SDC2: variants seen among roughly 807,000 people sequenced by gnomAD.
The protein encoded by SDC2 is syndecan 2.
SDC2 carries 13 observed loss-of-function variants against 22.2 expected under a neutral mutation model. The observed-to-expected ratio is 0.59, with a 90% CI of 0.38 to 0.93. The LOEUF (loss-of-function observed/expected upper bound fraction) is 0.93. Ranked by LOEUF, SDC2 falls within the 40% of genes least tolerant of loss-of-function variation. The pLI is 0.00. For synonymous variants in SDC2, 94 were observed against 92.8 expected, an observed-to-expected ratio of 1.01 and a Z score of -0.07; for missense variants, 235 against 246.8, an observed-to-expected ratio of 0.95 and a Z score of 0.32.
intron 1 of SDC2, among the ~76,000 whole-genome samples, chr8:96,551,951 AT>A (rs1232126148): frequency 6.6e-6 from 1 of 152,128 alleles, no homozygotes; most frequent in Non-Finnish European, 1.5e-5. Flanking sequence ...CAGGGTATGT[AT>A]CCCCATGAGT....
At chr8:96,539,931 AACC>A (rs1161379827) in intron 1 of SDC2, among the ~76,000 whole-genome samples, 1 of 152,140 alleles carries the variant, frequency 6.6e-6, no homozygotes, top group East Asian at 1.9e-4. Flanking sequence ...CACAGAAGGG[AACC>A]TGCTTGGAGG....
rs1267817889 is a variant in SDC2, at chr8:96,611,639, T to A, written c.*2091T>A. 1 of 152,582 alleles carries A rather than the reference T, an allele frequency of 6.6e-6. No individual in the cohort carries two copies. Among genetic ancestry groups the A allele is most frequent in the Non-Finnish European group, 1.5e-5 (1 of 68,038 alleles). 9.5% of individuals were successfully genotyped at this position (152,582 alleles called of 1,614,324 possible). On this transcript the variant is annotated 3_prime_UTR_variant, in exon 5 of 5. Transcript: ENST00000302190. ...CTAACTGTGCAAAGCAGAGTGAAAT[T>A]CAATTCATAGAATAACAACTGCTGG...
At chr8:96,508,492 C>G (rs1199288283) in intron 1 of SDC2, among the ~76,000 whole-genome samples, 1 of 137,268 alleles carries the variant, frequency 7.3e-6, no homozygotes, top group African/African-American at 2.6e-5. Flanking sequence ...GACTCCATCT[C>G]AAAAAAAAGA....
At chr8:96,609,100 A>G (rs998322545) in intron 4 of SDC2, among the ~76,000 whole-genome samples, 8 of 152,236 alleles carry the variant, frequency 5.3e-5, no homozygotes, top group African/African-American at 1.9e-4. Flanking sequence ...CTGAAAAGAC[A>G]AAAGTAGTTT....
chr8:96,588,793 G>C (rs866621380), intron 1 of SDC2, among the ~76,000 whole-genome samples: 7 of 152,190 alleles, frequency 4.6e-5, no homozygotes, highest in African/African-American at 1.7e-4. Flanking sequence ...TGACCACTGT[G>C]TTGGTTGCAC....
At chr8:96,594,222 T>C (rs1814833682) in intron 2 of SDC2, among the ~76,000 whole-genome samples, 1 of 152,164 alleles carries the variant, frequency 6.6e-6, no homozygotes, top group South Asian at 2.1e-4. Context: ...TAACAGTCAT[T>C]CATTTAACTT....
intron 1 of SDC2, among the ~76,000 whole-genome samples, chr8:96,572,856 G>T (rs531814302): frequency 1.3e-3 from 195 of 152,308 alleles, no homozygotes; most frequent in African/African-American, 4.6e-3. Context: ...TGAAGGTGGG[G>T]TTAGCTTTAG....
At chr8:96,574,498 C>T (rs185237293) in intron 1 of SDC2, among the ~76,000 whole-genome samples, 1 of 152,336 alleles carries the variant, frequency 6.6e-6, no homozygotes, top group East Asian at 1.9e-4. Flanking sequence ...TAAATATTCT[C>T]TGCAGAAGTA....
At chr8:96,565,084 ATTTTTTTTTT>A (rs11304418) in intron 1 of SDC2, among the ~76,000 whole-genome samples, 1 of 67,836 alleles carries the variant, frequency 1.5e-5, no homozygotes, top group Non-Finnish European at 2.9e-5. Flanking sequence ...CCTAAATTTG[ATTTTTTTTTT>A]TTTTTGTTGA....
chr8:96,499,658 C>G (rs1401724169), intron 1 of SDC2, among the ~76,000 whole-genome samples: 1 of 151,986 alleles, frequency 6.6e-6, no homozygotes, highest in African/African-American at 2.4e-5. Flanking sequence ...CCTAAGAATG[C>G]CTTTATAACA....
intron 1 of SDC2, among the ~76,000 whole-genome samples, chr8:96,525,820 T>C (rs1292760369): frequency 6.6e-6 from 1 of 152,098 alleles, no homozygotes; most frequent in Non-Finnish European, 1.5e-5. Flanking sequence ...CATAAATTCA[T>C]GTAGTTGAAA....
At chr8:96,576,374 G>GTTTTTTTTTTTTTTTTTTTTTTTTTTT (rs1225034584) in intron 1 of SDC2, among the ~76,000 whole-genome samples, 1 of 40,632 alleles carries the variant, frequency 2.5e-5, no homozygotes, top group African/African-American at 8.7e-5. Flanking sequence ...GTTTGTTTTT[G>GTTTTTTTTTTTTTTTTTTTTTTTTTTT]TTTTGTTTTG....
At chr8:96,595,860 C>T (rs1814865790) in intron 2 of SDC2, among the ~76,000 whole-genome samples, 2 of 152,200 alleles carry the variant, frequency 1.3e-5, no homozygotes, top group African/African-American at 2.4e-5. Flanking sequence ...TCAGATAGAT[C>T]AAGCTGAGGG....
chr8:96,560,226 A>G (rs1335987232), intron 1 of SDC2, among the ~76,000 whole-genome samples: 1 of 152,196 alleles, frequency 6.6e-6, no homozygotes, highest in African/African-American at 2.4e-5. Context: ...TTTCTAAACT[A>G]GTATTTTACA....
Position 96,507,011 on chromosome 8 carries a change from G to GAAA in SDC2, c.60+12698_60+12700dup, listed in dbSNP as rs3065030. On this transcript the variant is annotated intron_variant, in intron 1 of 4. Transcript: ENST00000302190. ...GCAACAGAGCGAGACTCTGTCTCAG[G>GAAA]AAAAAAAAAAAAAAAAAAAAGATAG... Among the ~76,000 whole-genome samples the GAAA allele has an allele frequency of 5.4e-3, 598 of 111,368 alleles. 3 individuals carry two copies. The highest frequency in any genetic ancestry group is 8.4e-3 in the Non-Finnish European group (438 of 52,224). 73.1% of individuals were successfully genotyped at this position (111,368 alleles called of 152,430 possible). A position where few individuals can be genotyped will look rare whatever the true frequency, so the allele number is the denominator to read the frequency against.
At chr8:96,591,901 A>G (rs1406026776) in intron 1 of SDC2, among the ~76,000 whole-genome samples, 1 of 152,176 alleles carries the variant, frequency 6.6e-6, no homozygotes, top group Admixed American at 6.5e-5. Context: ...TGAGAGCCTA[A>G]GAGGAGGCAG....
intron 2 of SDC2, among the ~76,000 whole-genome samples, chr8:96,601,122 G>T (rs144953032): frequency 1.3e-5 from 2 of 152,308 alleles, no homozygotes; most frequent in Non-Finnish European, 2.9e-5. Context: ...TTGTCCGGAA[G>T]CAGATGGCAC....
chr8:96,499,364 G>A (rs570899768), intron 1 of SDC2, among the ~76,000 whole-genome samples: 3 of 152,302 alleles, frequency 2.0e-5, no homozygotes, highest in South Asian at 2.1e-4. Context: ...GGGTGGGAGT[G>A]TGGGGGAAAC....
At chr8:96,595,167 C>A (rs996476032) in intron 2 of SDC2, among the ~76,000 whole-genome samples, 2 of 152,182 alleles carry the variant, frequency 1.3e-5, no homozygotes, top group African/African-American at 4.8e-5. Context: ...GTTTTTATAA[C>A]AGATTCAACA....
Sources: gnomAD v4.1 joint callset for allele counts (sites outside exome capture counted in the v4.1 genomes callset) on GRCh38, gnomAD v4.1.1 for gene constraint, MANE v1.5 for transcripts, NCBI Gene and HGNC (gene_info 2026-07-23, HGNC 2026-07-21) for gene names.